Variants in ABCA4 observed in about 807,000 individuals in gnomAD.
ABCA4 encodes ATP binding cassette subfamily A member 4, also known as retinal-specific phospholipid-transporting ATPase ABCA4.
In ABCA4, 196 loss-of-function variants were observed where a neutral mutation model predicts 263.7. That is an observed-to-expected ratio of 0.74 (90% CI 0.66 to 0.84). The LOEUF is 0.84. Ranked by LOEUF, ABCA4 falls within the 40% of genes least tolerant of loss-of-function variation. The pLI, the probability that ABCA4 is intolerant of heterozygous loss-of-function variation, is 0.00. For synonymous variants in ABCA4, 1,133 were observed against 1,094.2 expected (o/e 1.04, Z -0.70); for missense variants, 2,792 against 2,855.1 (o/e 0.98, Z 0.50).
At chr1:94,002,642 C>T (rs1659223750) in intron 44 of ABCA4, among the ~76,000 whole-genome samples, 1 of 152,156 alleles carries the variant, frequency 6.6e-6, no homozygotes, top group Non-Finnish European at 1.5e-5. Context: ...ATGCTTCTGC[C>T]TTCTATACTA....
In ABCA4 at chr1:93,997,966, G is replaced by A. The variant is rs1299747532; in HGVS notation, c.6624C>T (p.Phe2208=). The A allele has an allele frequency of 6.2e-7, 1 of 1,614,032 alleles. No individual in the cohort carries two copies. The highest frequency in any genetic ancestry group is 1.3e-5 in the African/African-American group (1 of 74,918). ...TCGCCAGGGAGGAGGAGGAGACCTG[G>A]AACTGGAGCATGTTGTAGTGCCTCT... is the stretch of plus-strand genomic sequence containing the variant. ...QRERHYNMLQ[F]QVSSSSLARI... Residue 2208 remains phenylalanine (F), a synonymous_variant, in exon 48 of 50, where the codon TTC becomes TTT. Transcript: ENST00000370225.
rs754713440 is a variant in ABCA4 at position 94,111,570 on chromosome 1, G to A, written c.170C>T (p.Pro57Leu). 5.6e-6 allele frequency: 9 copies of A among 1,614,102 alleles called. No individual in the cohort carries two copies. Among genetic ancestry groups the A allele is most frequent in the Middle Eastern group, 1.6e-4 (1 of 6,082 alleles). ...TCCTGCTGAGGGCATCGCCTTGTTGGGGAAATGGCCTTTAAAACAGAAAAT... is the reference window on the plus strand; with the variant it reads ...TCCTGCTGAGGGCATCGCCTTGTTGAGGAAATGGCCTTTAAAACAGAAAAT... The part of the protein sequence containing the change: ...PLYSHHECHF[P>L]NKAMPSAGML... Residue 57 changes from proline (P) to leucine (L), a missense_variant, in exon 3 of 50, where the codon CCC (proline) becomes CTC (leucine). Coordinates refer to ENST00000370225, the MANE Select transcript of ABCA4 (RefSeq NM_000350.3).
At chr1:94,087,251 G>A (rs374713391) in intron 6 of ABCA4, among the ~76,000 whole-genome samples, 15 of 152,148 alleles carry the variant, frequency 9.9e-5, no homozygotes, top group South Asian at 2.1e-4. Context: ...TTGCCTAAAC[G>A]TCCTAATAAA....
At chr1:94,030,208 A>G (rs1245736696) in intron 29 of ABCA4, among the ~76,000 whole-genome samples, 3 of 152,318 alleles carry the variant, frequency 2.0e-5, no homozygotes, top group African/African-American at 7.2e-5. Context: ...ATGCTGAGAA[A>G]TATAGAGCTG....
intron 49 of ABCA4, among the ~76,000 whole-genome samples, chr1:93,995,589 G>A (rs975720119): frequency 2.0e-5 from 3 of 152,180 alleles, no homozygotes; most frequent in Non-Finnish European, 4.4e-5. Context: ...CCATCTTCTT[G>A]TAATTTTTAT....
At position 94,080,355 on chromosome 1, in the gene ABCA4, A is replaced by G. The variant is rs6682366; in HGVS notation, c.1099+123T>C. The G allele has an allele frequency of 7.5e-3, 10,261 of 1,364,288 alleles. 279 individuals carry two copies. Among genetic ancestry groups the G allele is most frequent in the African/African-American group, 0.073 (5,077 of 69,854 alleles). 84.5% of individuals were successfully genotyped at this position (1,364,288 alleles called of 1,614,324 possible). A position where few individuals can be genotyped will look rare whatever the true frequency, so the allele number is the denominator to read the frequency against. Reference sequence around the variant, plus strand: ...TGGACTTTCTGGGAGAAGTCTCTTTACCTAAGGCCACTCAGCAAGACAAGA... The same window carrying G: ...TGGACTTTCTGGGAGAAGTCTCTTTGCCTAAGGCCACTCAGCAAGACAAGA... On this transcript the variant is annotated intron_variant, in intron 8 of 49. Transcript: ENST00000370225.
Position 94,120,974 on chromosome 1 carries a change from T to C in ABCA4, c.66+6A>G, listed in dbSNP as rs1288950917. The C allele has an allele frequency of 4.3e-6, 6 of 1,395,166 alleles. No homozygotes were observed. The highest frequency in any genetic ancestry group is 5.7e-6 in the Non-Finnish European group (6 of 1,044,030). The allele number at this position is 1,395,166 out of a possible 1,614,324, so 86.4% of individuals were successfully genotyped here. A position where few individuals can be genotyped will look rare whatever the true frequency, so the allele number is the denominator to read the frequency against. On this transcript the variant is annotated splice_donor_region_variant and intron_variant, in intron 1 of 49. Transcript: ENST00000370225. ...TCATTTTTAAACCACAGACAGTAAC[T>C]GTTACCTTTTGCCTTTTCCGCAGGG... is the stretch of plus-strand genomic sequence containing the variant.
At position 94,048,858 on chromosome 1, in the gene ABCA4, G is replaced by A. The variant is rs778675472; in HGVS notation, c.2743+10C>T. The stretch of plus-strand genomic sequence containing the variant: ...TCGCCTCTGCTGTGTATTCTTTATC[G>A]GGGTTTTACCGTGTATTCCTTCTGG... On this transcript the variant is annotated intron_variant, in intron 18 of 49. Transcript: ENST00000370225. 8 of 1,613,662 alleles carry A rather than the reference G, an allele frequency of 5.0e-6. 1 individual carries two copies. Among genetic ancestry groups the A allele is most frequent in the East Asian group, 2.2e-5 (1 of 44,864 alleles).
intron 6 of ABCA4, among the ~76,000 whole-genome samples, chr1:94,088,700 C>A (rs57166849): frequency 6.6e-6 from 1 of 152,220 alleles, no homozygotes; most frequent in African/African-American, 2.4e-5. Flanking sequence ...GTAGGATGAG[C>A]CCTTAGATAG....
chr1:94,089,198 A>G (rs1356209156), intron 6 of ABCA4, among the ~76,000 whole-genome samples: 1 of 152,218 alleles, frequency 6.6e-6, no homozygotes, highest in Non-Finnish European at 1.5e-5. Flanking sequence ...CCTAATTTTT[A>G]CTTATGAAAT....
chr1:94,026,258 C>T (rs973438681), intron 30 of ABCA4, among the ~76,000 whole-genome samples: 1 of 152,216 alleles, frequency 6.6e-6, no homozygotes, highest in African/African-American at 2.4e-5. Context: ...CTTTAATTCA[C>T]TCTTTTCACC....
chr1:94,062,134 T>G (rs567225995), intron 13 of ABCA4, among the ~76,000 whole-genome samples: 2 of 152,208 alleles, frequency 1.3e-5, no homozygotes, highest in African/African-American at 4.8e-5. Context: ...CATGGAAATG[T>G]TAGTTAGGGA....
At chr1:94,038,722 G>T (rs1660409534) in intron 24 of ABCA4, among the ~76,000 whole-genome samples, 1 of 152,154 alleles carries the variant, frequency 6.6e-6, no homozygotes, top group South Asian at 2.1e-4. Flanking sequence ...CCCAGGAATT[G>T]TGTCTTAGGC....
rs202228390 is a variant in ABCA4 at position 94,029,434 on chromosome 1, A to G, written c.4539+11T>C. 3.3e-5 allele frequency: 51 copies of G among 1,543,890 alleles called. No individual in the cohort carries two copies. In the African/African-American group the frequency reaches 5.8e-4, roughly 17 times the overall value. ...GCAGACCTGGGGCCCCGTTGTTTGG[A>G]GGTCAGGTACCTGGGGGGGCGGGAG... On this transcript the variant is annotated intron_variant, in intron 30 of 49. Coordinates refer to ENST00000370225, the MANE Select transcript of ABCA4 (RefSeq NM_000350.3).
At chr1:94,061,310 T>TACATC (rs1439641338) in intron 13 of ABCA4, 1 of 177,464 alleles carries the variant, frequency 5.6e-6, no homozygotes, top group African/African-American at 2.4e-5. Context: ...GATCCATCAA[T>TACATC]ACATCAGTTA....
At chr1:94,091,118 A>G (rs1324328461) in intron 6 of ABCA4, among the ~76,000 whole-genome samples, 1 of 152,196 alleles carries the variant, frequency 6.6e-6, no homozygotes, top group African/African-American at 2.4e-5. Flanking sequence ...AATTTGGGGG[A>G]AAGGGAACAG....
chr1:94,120,839 A>G lies in ABCA4; in HGVS notation c.66+141T>C, dbSNP rs562641443. ...AGGCCGTCCAGCTAAACACTGCTTC[A>G]GTGCTAATCGGCGACAAGCCCACTG... On this transcript the variant is annotated intron_variant, in intron 1 of 49. Transcript: ENST00000370225. 1.5e-4 allele frequency: 116 copies of G among 764,424 alleles called. 2 individuals carry two copies. The South Asian group carries it at 1.6e-3, about 10-fold the overall frequency. 47.4% of individuals were successfully genotyped at this position (764,424 alleles called of 1,614,324 possible). A position where few individuals can be genotyped will look rare whatever the true frequency, so the allele number is the denominator to read the frequency against.
chr1:94,049,776 A>G (rs552871938), intron 17 of ABCA4, among the ~76,000 whole-genome samples: 1 of 152,310 alleles, frequency 6.6e-6, no homozygotes, highest in Non-Finnish European at 1.5e-5. Flanking sequence ...TGGTGATGGT[A>G]TTAATACAAG....
In ABCA4 at chr1:94,083,394, A is replaced by G. The variant is rs547765909; in HGVS notation, c.816T>C (p.Ser272=). The change falls in exon 7 of 50, where the codon TCT becomes TCC. Residue 272 remains serine, a synonymous_variant. Coordinates refer to ENST00000370225, the MANE Select transcript of ABCA4 (RefSeq NM_000350.3). ...DSRSQGINLR[S]WGGILSDMSP... ...ACATATCAGATAATATTCCTCCCCA[A>G]GATCTCAGATTGATACCTTGAGAAC... The G allele has an allele frequency of 3.1e-6, 5 of 1,613,868 alleles. No homozygotes were observed. In the African/African-American group the frequency reaches 5.3e-5, roughly 17 times the overall value.
Sources: allele counts gnomAD v4.1 joint callset (sites outside exome capture counted in the v4.1 genomes callset), GRCh38; gene constraint gnomAD v4.1.1; transcripts MANE v1.5; gene names NCBI Gene and HGNC (gene_info 2026-07-23, HGNC 2026-07-21).